Variants in GLIS3 observed in about 807,000 individuals in gnomAD.
GLIS3 encodes the protein GLIS family zinc finger 3, also known as zinc finger protein GLIS3.
GLIS3 carries 53 observed loss-of-function variants against 78.6 expected under a neutral mutation model. The ratio of observed to expected loss-of-function variants is 0.67; its 90% CI spans 0.54 to 0.85. GLIS3 has a LOEUF of 0.85. Ranked by LOEUF, GLIS3 falls within the 40% of genes least tolerant of loss-of-function variation. The pLI, the probability that GLIS3 is intolerant of heterozygous loss-of-function variation, is 0.00. For missense variants in GLIS3, 1,703 were observed against 1,231.1 expected, an observed-to-expected ratio of 1.38 and a Z score of -5.74; for synonymous variants, 684 against 509.9, an observed-to-expected ratio of 1.34 and a Z score of -4.60.
chr9:4,338,897 A>G (rs558510251), intron 2 of GLIS3, among the ~76,000 whole-genome samples: 2 of 152,100 alleles, frequency 1.3e-5, no homozygotes, highest in Admixed American at 6.6e-5. Context: ...AAGCTCCCCA[A>G]GTGATTCCAT....
chr9:3,827,263 G>C lies in GLIS3; in HGVS notation c.*1009C>G, dbSNP rs1817772516. On this transcript the variant is annotated 3_prime_UTR_variant, in exon 11 of 11. Transcript: ENST00000381971. ...TGGAAGTCAAGTATCACTAGGTTTG[G>C]TTTTCCAAGGGAAGCTGGCACATGA... The C allele has an allele frequency of 6.6e-6, 1 of 152,226 alleles. No homozygotes were observed. The highest frequency in any genetic ancestry group is 1.5e-5 in the Non-Finnish European group (1 of 68,040). The allele number at this position is 152,226 out of a possible 1,614,324, so 9.4% of individuals were successfully genotyped here.
the GLIS3 span, among the ~76,000 whole-genome samples, chr9:4,370,830 T>A: frequency 6.6e-6 from 1 of 152,076 alleles, no homozygotes; most frequent in Non-Finnish European, 1.5e-5. Context: ...GACCTGCTCC[T>A]GCTTCCAGAA....
the GLIS3 span, among the ~76,000 whole-genome samples, chr9:4,399,741 T>G: frequency 0.14 from 22,059 of 152,194 alleles, 1,711 homozygotes; most frequent in Middle Eastern, 0.2. Context: ...TACAATGTGA[T>G]ACATGCTACA....
chr9:4,104,039 G>A (rs1830573222), intron 4 of GLIS3, among the ~76,000 whole-genome samples: 1 of 151,960 alleles, frequency 6.6e-6, no homozygotes, highest in Admixed American at 6.6e-5. Context: ...TGGAATACAG[G>A]GTAGGCACCA....
At chr9:4,384,619 C>T in the GLIS3 span, among the ~76,000 whole-genome samples, 1 of 150,874 alleles carries the variant, frequency 6.6e-6, no homozygotes, top group African/African-American at 2.4e-5. Context: ...TAATTTCTTC[C>T]CTGGACAGCA....
chr9:4,189,680 G>T (rs530823149), intron 2 of GLIS3, among the ~76,000 whole-genome samples: 1 of 152,282 alleles, frequency 6.6e-6, no homozygotes, highest in South Asian at 2.1e-4. Context: ...GGATGCTCCT[G>T]TACTGGGTGC....
At chr9:3,854,848 T>A (rs1387582549) in intron 9 of GLIS3, among the ~76,000 whole-genome samples, 1 of 152,136 alleles carries the variant, frequency 6.6e-6, no homozygotes, top group Non-Finnish European at 1.5e-5. Flanking sequence ...CCAGCCTACT[T>A]TGATGTTCTT....
At chr9:4,047,424 T>G (rs555510559) in intron 4 of GLIS3, among the ~76,000 whole-genome samples, 1 of 152,278 alleles carries the variant, frequency 6.6e-6, no homozygotes, top group Admixed American at 6.5e-5. Context: ...GAATCTTTAT[T>G]TTTATATTAC....
chr9:4,105,093 A>G (rs1252653546), intron 4 of GLIS3, among the ~76,000 whole-genome samples: 1 of 152,162 alleles, frequency 6.6e-6, no homozygotes, highest in Non-Finnish European at 1.5e-5. Flanking sequence ...TATGTTAATA[A>G]CCTTAGAATT....
the GLIS3 span, among the ~76,000 whole-genome samples, chr9:4,437,757 T>C: frequency 6.6e-6 from 1 of 152,206 alleles, no homozygotes; most frequent in Non-Finnish European, 1.5e-5. Flanking sequence ...CTTCCTCCTC[T>C]TCCTCAGCCT....
At chr9:4,287,424 G>A (rs953406895) in intron 1 of GLIS3, among the ~76,000 whole-genome samples, 2 of 152,156 alleles carry the variant, frequency 1.3e-5, no homozygotes, top group African/African-American at 2.4e-5. Flanking sequence ...TGATGATGCC[G>A]GGTTGTAAAT....
chr9:4,443,699 G>A, the GLIS3 span, among the ~76,000 whole-genome samples: 1 of 152,228 alleles, frequency 6.6e-6, no homozygotes, highest in Admixed American at 6.5e-5. Flanking sequence ...AGTTCAAGAA[G>A]TGGCTGTGGG....
the GLIS3 span, among the ~76,000 whole-genome samples, chr9:4,410,644 T>C: frequency 2.0e-5 from 3 of 152,208 alleles, no homozygotes; most frequent in Non-Finnish European, 4.4e-5. Context: ...TTTGCATAAA[T>C]GGATGCTACA....
chr9:4,153,525 C>T (rs184557579), intron 2 of GLIS3, among the ~76,000 whole-genome samples: 2 of 152,266 alleles, frequency 1.3e-5, no homozygotes, highest in Admixed American at 6.5e-5. Context: ...GATCACACCA[C>T]TACACTCCAG....
intron 4 of GLIS3, among the ~76,000 whole-genome samples, chr9:4,109,025 T>C (rs534499541): frequency 6.6e-6 from 1 of 152,290 alleles, no homozygotes; most frequent in South Asian, 2.1e-4. Flanking sequence ...TTCTATGGTG[T>C]TCAGGACTGA....
At chr9:4,480,933 AG>A in the GLIS3 span, among the ~76,000 whole-genome samples, 1 of 150,848 alleles carries the variant, frequency 6.6e-6, no homozygotes, top group Admixed American at 6.6e-5. Flanking sequence ...AGCTTACTGG[AG>A]GTCCGGACCT....
rs73384269 is a variant in GLIS3 at position 3,887,119 on chromosome 9, C to T, written c.2129-7524G>A. Among the ~76,000 whole-genome samples the T allele has an allele frequency of 2.9e-3, 446 of 152,252 alleles. 3 individuals carry two copies. Among genetic ancestry groups the T allele is most frequent in the African/African-American group, 9.5e-3 (395 of 41,542 alleles). On this transcript the variant is annotated intron_variant, in intron 7 of 10. Transcript: ENST00000381971. Reference sequence around the variant, plus strand: ...AATCCCTAAAAATCTATTATTTCTGCCTGTCTTTTTTTTCCTTCCCACTTT... The same window carrying T: ...AATCCCTAAAAATCTATTATTTCTGTCTGTCTTTTTTTTCCTTCCCACTTT...
At chr9:4,259,541 A>G (rs1024869779) in intron 2 of GLIS3, among the ~76,000 whole-genome samples, 25 of 151,904 alleles carry the variant, frequency 1.6e-4, no homozygotes, top group Non-Finnish European at 3.4e-4. Context: ...CAACTCACTA[A>G]CTCCCCCCAC....
At chr9:4,295,816 A>G (rs941813746) in intron 1 of GLIS3, among the ~76,000 whole-genome samples, 1 of 152,236 alleles carries the variant, frequency 6.6e-6, no homozygotes, top group Non-Finnish European at 1.5e-5. Context: ...TGCCTAAAGT[A>G]AGTGGGAAAC....
Sources: allele counts gnomAD v4.1 joint callset (sites outside exome capture counted in the v4.1 genomes callset), GRCh38; gene constraint gnomAD v4.1.1; transcripts MANE v1.5; gene names NCBI Gene and HGNC (gene_info 2026-07-23, HGNC 2026-07-21).